The following ZNF532 variants were observed in gnomAD, a reference collection of about 807,000 sequenced individuals.
The protein encoded by ZNF532 is zinc finger protein 532.
A neutral mutation model predicts 89.3 loss-of-function variants in ZNF532; 22 were observed. The ratio of observed to expected loss-of-function variants is 0.25; its 90% confidence interval spans 0.18 to 0.35. The LOEUF (loss-of-function observed/expected upper bound fraction) is 0.35, where lower values mean the gene tolerates loss of function less well. Among genes scored for constraint, ZNF532 ranks in the 10% least tolerant of loss-of-function variants. The pLI is 1.00. For synonymous variants in ZNF532, 606 were observed against 649.6 expected (o/e 0.93, Z 1.02); for missense variants, 1,132 against 1,643.4 (o/e 0.69, Z 5.38).
chr18:58,894,382 G>T (rs1340576073), intron 2 of ZNF532, among the ~76,000 whole-genome samples: 1 of 150,896 alleles, frequency 6.6e-6, no homozygotes, highest in Non-Finnish European at 1.5e-5. Context: ...CAGGAGAATC[G>T]CTTGAACCTG....
chr18:58,905,463 C>T (rs1431021573), intron 2 of ZNF532, among the ~76,000 whole-genome samples: 1 of 148,978 alleles, frequency 6.7e-6, no homozygotes, highest in Non-Finnish European at 1.5e-5. Flanking sequence ...TGCAATGGCA[C>T]AAACATACTC....
At chr18:58,885,043 C>T (rs2058197649) in intron 2 of ZNF532, among the ~76,000 whole-genome samples, 1 of 140,600 alleles carries the variant, frequency 7.1e-6, no homozygotes, top group Admixed American at 7.6e-5. Context: ...GGTTAGAGTT[C>T]AGTGGCATGA....
At chr18:58,882,482 C>T (rs977963890) in intron 2 of ZNF532, among the ~76,000 whole-genome samples, 3 of 152,184 alleles carry the variant, frequency 2.0e-5, no homozygotes, top group Non-Finnish European at 4.4e-5. Flanking sequence ...TGCTCTGTTG[C>T]CTAGGCTGGA....
In ZNF532 at chr18:58,918,395, C is replaced by G. The variant is rs775246081; in HGVS notation, c.108C>G (p.Asp36Glu). The change falls in exon 3 of 10, where the codon GAC becomes GAG. Residue 36 changes from aspartate to glutamate, a missense_variant. Transcript: ENST00000591808. ...PKAAIESGHD[D>E]HESHMKQNAH... ...CAGCTATTGAGTCTGGACACGATGA[C>G]CATGAAAGCCACATGAAGCAGAATG... The G allele has an allele frequency of 6.2e-7, 1 of 1,614,182 alleles. No individual in the cohort carries two copies. The highest frequency in any genetic ancestry group is 8.5e-7 in the Non-Finnish European group (1 of 1,180,040).
chr18:58,981,341 T>G (rs2147723753), intron 8 of ZNF532, 129 bp from the exon 9 acceptor site: 2 of 1,211,580 alleles, frequency 1.7e-6, no homozygotes, highest in East Asian at 4.7e-5. Flanking sequence ...TGTTGAACCA[T>G]GGTGTGAACT....
At chr18:58,974,873 TAACC>T (rs1317970988) in intron 7 of ZNF532, among the ~76,000 whole-genome samples, 1 of 152,226 alleles carries the variant, frequency 6.6e-6, no homozygotes, top group African/African-American at 2.4e-5. Flanking sequence ...TTGCATTTCT[TAACC>T]ATTTGACGTA....
chr18:58,970,131 G>A (rs1215772413), intron 7 of ZNF532, among the ~76,000 whole-genome samples: 1 of 152,124 alleles, frequency 6.6e-6, no homozygotes, highest in East Asian at 1.9e-4. Flanking sequence ...TGATCCACCT[G>A]CCTCGGCCTC....
At chr18:58,863,635 A>AGAG (rs1568188595), upstream of ZNF532, 5 of 83,322 alleles carry the variant, frequency 6.0e-5, no homozygotes, top group African/African-American at 2.4e-4. Flanking sequence ...CGCTCCGACG[A>AGAG]CAGCAGCAGC....
intron 2 of ZNF532, among the ~76,000 whole-genome samples, chr18:58,869,730 G>C (rs552993968): frequency 4.0e-5 from 6 of 150,834 alleles, no homozygotes; most frequent in Non-Finnish European, 8.9e-5. Context: ...GGGAGATTTT[G>C]GAAGATTTGT....
chr18:58,885,796 G>T (rs912652035), intron 2 of ZNF532, among the ~76,000 whole-genome samples: 1 of 151,436 alleles, frequency 6.6e-6, no homozygotes, highest in African/African-American at 2.4e-5. Flanking sequence ...GGAGGTTGCA[G>T]TGAGCCGAAA....
intron 2 of ZNF532, among the ~76,000 whole-genome samples, chr18:58,880,769 C>CGTGTGTGTGT (rs1188960384): frequency 1.5e-5 from 2 of 131,108 alleles, no homozygotes; most frequent in East Asian, 3.3e-4. Flanking sequence ...CGCACGCGCG[C>CGTGTGTGTGT]GCGTCTGTGT....
Position 58,920,095 on chromosome 18 carries a change from C to T in ZNF532, c.1808C>T (p.Pro603Leu), listed in dbSNP as rs1339815481. The change falls in exon 3 of 10, where the codon CCT becomes CTT. Residue 603 changes from proline to leucine, a missense_variant. Pro to Leu is a moderately conservative substitution (Grantham distance 98). Around this residue, in one of 9 missense-constraint regions of ZNF532, gnomAD observed 70 missense variants for 152.1 expected, o/e 0.46. Coordinates refer to ENST00000591808, the MANE Select transcript of ZNF532 (RefSeq NM_001375912.1). ...CCTGTTTACATCCCAAACCTCAGTC[C>T]TCCCGCCAATGCAGGGATCACGTTA... is the stretch of plus-strand genomic sequence containing the variant. ...PVPVYIPNLS[P>L]PANAGITLPT... The T allele has an allele frequency of 6.2e-7, 1 of 1,614,000 alleles. No homozygotes were observed.
At chr18:58,891,792 C>T (rs2058921266) in intron 2 of ZNF532, among the ~76,000 whole-genome samples, 1 of 152,202 alleles carries the variant, frequency 6.6e-6, no homozygotes, top group Admixed American at 6.5e-5. Flanking sequence ...CTCTTTCCCA[C>T]CCTGGTGTGA....
intron 2 of ZNF532, among the ~76,000 whole-genome samples, chr18:58,874,105 T>C (rs914891581): frequency 2.0e-5 from 3 of 152,176 alleles, no homozygotes; most frequent in African/African-American, 7.2e-5. Flanking sequence ...TTTTTTTTCT[T>C]TCTTGGAGGG....
chr18:58,864,922 A>C lies in ZNF532; in HGVS notation c.-591A>C, dbSNP rs1201229055. 1 of 152,282 alleles carries C rather than the reference A, an allele frequency of 6.6e-6. No individual in the cohort carries two copies. Among genetic ancestry groups the C allele is most frequent in the East Asian group, 1.9e-4 (1 of 5,208 alleles). 9.4% of individuals were successfully genotyped at this position (152,282 alleles called of 1,614,324 possible). A position where few individuals can be genotyped will look rare whatever the true frequency, so the allele number is the denominator to read the frequency against. ...CCTTCATGGCAGCCAAAAGCAGAGG[A>C]GCTTGCAGGAAGGTACCATCCCTAC... On this transcript the variant is annotated 5_prime_UTR_variant, in exon 1 of 10. Transcript: ENST00000591808.
chr18:58,946,291 G>GTT lies in ZNF532; in HGVS notation c.2706-1758_2706-1757dup, dbSNP rs58395180. Among the ~76,000 whole-genome samples the GTT allele has an allele frequency of 9.0e-4, 105 of 116,510 alleles. 2 individuals are homozygous for GTT. The highest frequency in any genetic ancestry group is 2.1e-3 in the African/African-American group (64 of 29,810). The allele number at this position is 116,510 out of a possible 152,430, so 76.4% of individuals were successfully genotyped here. A position where few individuals can be genotyped will look rare whatever the true frequency, so the allele number is the denominator to read the frequency against. On this transcript the variant is annotated intron_variant, in intron 5 of 9. Transcript: ENST00000591808. ...CATCATTTTAAAAAATCTTCATATA[G>GTT]TTTTTTTTTTTTTTTTTTTGAGACA...
Position 58,984,316 on chromosome 18 carries a change from C to T in ZNF532, c.3756C>T (p.His1252=), listed in dbSNP as rs1054777098. The T allele has an allele frequency of 6.2e-6, 10 of 1,611,816 alleles. No homozygotes were observed. Among genetic ancestry groups the T allele is most frequent in the African/African-American group, 1.3e-5 (1 of 74,814 alleles). Residue 1252 remains histidine, a synonymous_variant, in exon 10 of 10, where the codon CAC becomes CAT. Transcript: ENST00000591808. ...ACCAACAGGAGAACAAACCCAGCCA[C>T]GAGGATGAATCCCCTGATGGCGCCG... ...EDNQQENKPS[H]EDESPDGAVS... is the part of the protein sequence containing the mutation.
chr18:58,918,851 A>G lies in ZNF532; in HGVS notation c.564A>G (p.Gly188=). The part of the protein sequence containing the change: ...ALGGENSSKT[G]LSTSGNVEKN... ...GAGGGGAAAACTCCAGCAAAACTGG[A>G]CTCTCTACGTCAGGCAATGTGGAGA... Residue 188 remains glycine (G), a synonymous_variant, in exon 3 of 10, where the codon GGA becomes GGG. Coordinates refer to ENST00000591808, the MANE Select transcript of ZNF532 (RefSeq NM_001375912.1). The G allele has an allele frequency of 6.2e-7, 1 of 1,614,124 alleles. No homozygotes were observed. Among genetic ancestry groups the G allele is most frequent in the Non-Finnish European group, 8.5e-7 (1 of 1,180,032 alleles).
intron 2 of ZNF532, among the ~76,000 whole-genome samples, chr18:58,892,996 T>TC (rs2059005242): frequency 6.6e-6 from 1 of 151,488 alleles, no homozygotes; most frequent in Admixed American, 6.6e-5. Flanking sequence ...TTTTTTTTTT[T>TC]TTTGAGATGG....
Sources: allele counts gnomAD v4.1 joint callset (sites outside exome capture counted in the v4.1 genomes callset), GRCh38; gene constraint gnomAD v4.1.1; regional missense constraint gnomAD v4.1.1; transcripts MANE v1.5; gene names NCBI Gene and HGNC (gene_info 2026-07-23, HGNC 2026-07-21).